Variants in DLGAP1 observed in about 807,000 individuals in gnomAD.
The protein encoded by DLGAP1 is DLG associated protein 1, also known as disks large-associated protein 1.
A neutral mutation model predicts 90.8 loss-of-function variants in DLGAP1; 11 were observed. That is an observed-to-expected ratio of 0.12 (90% confidence interval 0.08 to 0.20). DLGAP1 has a LOEUF of 0.20. Ranked by LOEUF, DLGAP1 falls within the 10% of genes least tolerant of loss-of-function variation. The pLI, the probability that DLGAP1 is intolerant of heterozygous loss-of-function variation, is 1.00. For synonymous variants in DLGAP1, 558 were observed against 540.7 expected (o/e 1.03, Z -0.44); for missense variants, 1,050 against 1,333.8 (o/e 0.79, Z 3.31).
chr18:4,179,866 T>A (rs2077177579), intron 1 of DLGAP1, among the ~76,000 whole-genome samples: 1 of 152,232 alleles, frequency 6.6e-6, no homozygotes, highest in African/African-American at 2.4e-5. Flanking sequence ...GAAGGCACTT[T>A]ACCTCTCTGA....
chr18:4,399,141 A>G (rs1254252008), intron 1 of DLGAP1, among the ~76,000 whole-genome samples: 1 of 152,232 alleles, frequency 6.6e-6, no homozygotes, highest in Non-Finnish European at 1.5e-5. Flanking sequence ...AGACGGACCC[A>G]TTTTAAAAAT....
chr18:4,398,697 C>T (rs2082489416), intron 1 of DLGAP1, among the ~76,000 whole-genome samples: 1 of 152,282 alleles, frequency 6.6e-6, no homozygotes, highest in Non-Finnish European at 1.5e-5. Flanking sequence ...CCTTTGCTTT[C>T]ATCTGTGTTA....
At position 3,772,346 on chromosome 18, in the gene DLGAP1, C is replaced by CTT. The variant is rs1393398497; in HGVS notation, c.1173-29835_1173-29834insAA. Among the ~76,000 whole-genome samples, 32 of 14,244 alleles carry CTT rather than the reference C, an allele frequency of 2.2e-3. 2 individuals carry two copies. The highest frequency in any genetic ancestry group is 0.012 in the East Asian group (6 of 506). 9.3% of individuals were successfully genotyped at this position (14,244 alleles called of 152,430 possible). ...CCTTTCTCTCCTTCTCTCTCTCTCT[C>CTT]TCTTTCTTTCTTTCTTTCTTTCTTT... On this transcript the variant is annotated intron_variant, in intron 5 of 12. Transcript: ENST00000315677.
At chr18:4,091,902 T>C (rs940356495) in intron 2 of DLGAP1, among the ~76,000 whole-genome samples, 3 of 147,946 alleles carry the variant, frequency 2.0e-5, no homozygotes, top group South Asian at 2.1e-4. Flanking sequence ...TTTTTTTTTT[T>C]CCACATGCTT....
intron 4 of DLGAP1, among the ~76,000 whole-genome samples, chr18:3,863,408 T>C (rs1268718014): frequency 6.6e-6 from 1 of 152,208 alleles, no homozygotes. Flanking sequence ...AGAAAAATCA[T>C]CCCAATCTAA....
At chr18:3,597,618 A>C (rs1599440066) in intron 7 of DLGAP1, 1 of 224,296 alleles carries the variant, frequency 4.5e-6, no homozygotes, top group Non-Finnish European at 8.9e-6. Context: ...GAAAAGGCTG[A>C]CCCTCCCCCA....
intron 1 of DLGAP1, among the ~76,000 whole-genome samples, chr18:4,153,495 C>A (rs1033822205): frequency 1.3e-5 from 2 of 152,164 alleles, no homozygotes; most frequent in Non-Finnish European, 2.9e-5. Flanking sequence ...CTTTTCCTTA[C>A]CCCAAGTGTC....
intron 7 of DLGAP1, among the ~76,000 whole-genome samples, chr18:3,679,613 G>A (rs1050195432): frequency 6.7e-6 from 1 of 148,874 alleles, no homozygotes; most frequent in South Asian, 2.2e-4. Flanking sequence ...CTACTAGATA[G>A]GGCCGATGAG....
At chr18:3,718,738 C>T (rs1251476016) in intron 7 of DLGAP1, among the ~76,000 whole-genome samples, 2 of 151,866 alleles carry the variant, frequency 1.3e-5, no homozygotes, top group Admixed American at 1.3e-4. Flanking sequence ...CCAGCCTGGC[C>T]AACATGGTGA....
At chr18:4,308,286 C>T (rs966433606) in intron 1 of DLGAP1, among the ~76,000 whole-genome samples, 2 of 152,190 alleles carry the variant, frequency 1.3e-5, no homozygotes, top group East Asian at 3.9e-4. Flanking sequence ...TGCAGAGGTA[C>T]TCTATAACTG....
intron 1 of DLGAP1, among the ~76,000 whole-genome samples, chr18:4,217,558 T>G (rs540248867): frequency 3.9e-5 from 6 of 152,106 alleles, no homozygotes; most frequent in African/African-American, 1.4e-4. Flanking sequence ...CAGATGATGT[T>G]CCGTGTATTT....
rs183240366 is a variant in DLGAP1 at position 3,723,564 on chromosome 18, G to T, written c.1591+5571C>A. Among the ~76,000 whole-genome samples the T allele has an allele frequency of 8.6e-5, 13 of 151,444 alleles. No individual in the cohort carries two copies. In the South Asian group the frequency reaches 1.1e-3, roughly 13 times the overall value. ...TCTGCTTAGGGTTTAGGGTTTGTGT[G>T]GGGGGGGAGTGGGGAGCAAGGTGTG... On this transcript the variant is annotated intron_variant, in intron 7 of 12. Transcript: ENST00000315677.
At chr18:4,239,182 T>C (rs2078478907) in intron 1 of DLGAP1, among the ~76,000 whole-genome samples, 1 of 152,168 alleles carries the variant, frequency 6.6e-6, no homozygotes. Context: ...GTTACCAAAA[T>C]AGCAACTGAG....
chr18:3,760,664 T>A (rs1213093016), intron 5 of DLGAP1, among the ~76,000 whole-genome samples: 1 of 152,150 alleles, frequency 6.6e-6, no homozygotes, highest in Non-Finnish European at 1.5e-5. Flanking sequence ...TAAAGCTAAG[T>A]GGGGCACCTC....
intron 1 of DLGAP1, among the ~76,000 whole-genome samples, chr18:4,288,137 T>C (rs565325457): frequency 7.2e-4 from 110 of 152,324 alleles, no homozygotes; most frequent in African/African-American, 2.6e-3. Flanking sequence ...TATGTATACA[T>C]GTGCCATGCT....
intron 2 of DLGAP1, among the ~76,000 whole-genome samples, chr18:4,010,933 T>C (rs1287402454): frequency 1.3e-5 from 2 of 151,582 alleles, no homozygotes; most frequent in African/African-American, 4.8e-5. Flanking sequence ...CCCAGCACTT[T>C]GGGAGGCCGA....
At chr18:3,635,449 A>T (rs1360012943) in intron 7 of DLGAP1, among the ~76,000 whole-genome samples, 1 of 150,516 alleles carries the variant, frequency 6.6e-6, no homozygotes, top group African/African-American at 2.5e-5. Flanking sequence ...TGTCTGTCCC[A>T]TTTTTTTGTC....
chr18:3,550,455 G>C (rs139207376), intron 9 of DLGAP1, among the ~76,000 whole-genome samples: 68 of 152,160 alleles, frequency 4.5e-4, no homozygotes, highest in African/African-American at 1.6e-3. Context: ...GGAACTCCTA[G>C]ACTCAAGCAA....
intron 5 of DLGAP1, among the ~76,000 whole-genome samples, chr18:3,761,857 A>T (rs573478115): frequency 8.5e-5 from 13 of 152,370 alleles, no homozygotes; most frequent in African/African-American, 2.9e-4. Context: ...TACAGGCGTG[A>T]GCCACAGTGC....
Sources: gnomAD v4.1 joint callset for allele counts (sites outside exome capture counted in the v4.1 genomes callset) on GRCh38, gnomAD v4.1.1 for gene constraint, MANE v1.5 for transcripts, NCBI Gene and HGNC (gene_info 2026-07-23, HGNC 2026-07-21) for gene names.